RPRD2: variants seen among roughly 807,000 people sequenced by gnomAD.
RPRD2 encodes the protein regulation of nuclear pre-mRNA domain containing 2.
RPRD2 carries 12 observed loss-of-function variants against 104.4 expected under a neutral mutation model. The ratio of observed to expected loss-of-function variants is 0.11; its 90% CI spans 0.07 to 0.19. The LOEUF (loss-of-function observed/expected upper bound fraction) is 0.19, where lower values mean the gene tolerates loss of function less well. Among genes scored for constraint, RPRD2 ranks in the 10% least tolerant of loss-of-function variants. The probability of loss-of-function intolerance (pLI) is 1.00; values close to 1 mark genes in which losing one functional copy is unlikely to be tolerated. For synonymous variants in RPRD2, 714 were observed against 684.9 expected (o/e 1.04, Z -0.66); for missense variants, 1,543 against 1,790.1 (o/e 0.86, Z 2.49).
intron 1 of RPRD2, among the ~76,000 whole-genome samples, chr1:150,399,323 T>C (rs1662788763): frequency 6.6e-6 from 1 of 152,218 alleles, no homozygotes; most frequent in Admixed American, 6.5e-5. Context: ...AGGTCTATAA[T>C]GCATTTTGAA....
chr1:150,446,791 A>G (rs1553895578), intron 7 of RPRD2, among the ~76,000 whole-genome samples: 2 of 151,690 alleles, frequency 1.3e-5, no homozygotes, highest in African/African-American at 4.8e-5. Flanking sequence ...GTAAACTTGT[A>G]CAAGGTAATA....
At position 150,472,546 on chromosome 1, in the gene RPRD2, G is replaced by C. The variant is rs905254286; in HGVS notation, c.3598G>C (p.Glu1200Gln). 1.2e-6 allele frequency: 2 copies of C among 1,613,918 alleles called. No homozygotes were observed. Among genetic ancestry groups the C allele is most frequent in the Non-Finnish European group, 1.7e-6 (2 of 1,179,876 alleles). The change falls in exon 11 of 11, where the codon GAA (glutamate) becomes CAA (glutamine). Residue 1200 changes from glutamate (E) to glutamine (Q), a missense_variant. Around this residue, in one of 4 missense-constraint regions of RPRD2, gnomAD observed 880 missense variants for 885.6 expected, o/e 0.99. Transcript: ENST00000369068. Reference sequence around the variant, plus strand: ...GCATCATCTTCCCCCATCCCCCTTGGAACATGGGACACCCTTCCAGAGAGA... The same window carrying C: ...GCATCATCTTCCCCCATCCCCCTTGCAACATGGGACACCCTTCCAGAGAGA... Reference protein sequence around the residue: ...FEHHLPPSPLEHGTPFQREPV... With the variant: ...FEHHLPPSPLQHGTPFQREPV...
At chr1:150,428,593 C>T (rs149332645) in intron 2 of RPRD2, among the ~76,000 whole-genome samples, 21 of 152,120 alleles carry the variant, frequency 1.4e-4, no homozygotes, top group African/African-American at 4.8e-4. Flanking sequence ...TATTCTCATG[C>T]GTCAGCCTCC....
chr1:150,407,253 A>G (rs1431649772), intron 1 of RPRD2, among the ~76,000 whole-genome samples: 1 of 152,184 alleles, frequency 6.6e-6, no homozygotes, highest in Non-Finnish European at 1.5e-5. Context: ...ATTCATTAGT[A>G]TCTCCCCAGA....
In RPRD2 at chr1:150,445,636, AC is replaced by A. The variant is rs879952429; in HGVS notation, c.695-589del. Among the ~76,000 whole-genome samples the A allele has an allele frequency of 7.2e-5, 11 of 152,340 alleles. No homozygotes were observed. In the Middle Eastern group the frequency reaches 0.01, roughly 141 times the overall value. The stretch of plus-strand genomic sequence containing the variant: ...AATTTGTGAAGAAAATAATTAATCA[AC>A]AAACTCTTTTAGTTGAACTTTCTTT... On this transcript the variant is annotated intron_variant, in intron 6 of 10. Coordinates refer to ENST00000369068, the MANE Select transcript of RPRD2 (RefSeq NM_015203.5).
At chr1:150,398,020 C>T (rs1364225122) in intron 1 of RPRD2, among the ~76,000 whole-genome samples, 1 of 152,048 alleles carries the variant, frequency 6.6e-6, no homozygotes, top group Non-Finnish European at 1.5e-5. Context: ...CAGGGTCTCA[C>T]TGTGTTGCCC....
chr1:150,445,743 G>C (rs1021877290), intron 6 of RPRD2, among the ~76,000 whole-genome samples: 1 of 152,194 alleles, frequency 6.6e-6, no homozygotes, highest in East Asian at 1.9e-4. Flanking sequence ...AATCTGTTTT[G>C]TGATTTTGTG....
chr1:150,446,784 A>G (rs183362888), intron 7 of RPRD2, among the ~76,000 whole-genome samples: 34 of 151,910 alleles, frequency 2.2e-4, no homozygotes, highest in African/African-American at 7.7e-4. Context: ...AGGATTAGTA[A>G]ACTTGTACAA....
At chr1:150,444,114 T>G (rs1463150313) in intron 5 of RPRD2, 137 bp from the exon 6 acceptor site, 1 of 802,306 alleles carries the variant, frequency 1.2e-6, no homozygotes, top group African/African-American at 1.8e-5. Flanking sequence ...GTGAAAAGTT[T>G]TTTTCCTCCC....
chr1:150,430,148 T>TTTAG (rs1665453477), intron 2 of RPRD2, among the ~76,000 whole-genome samples: 1 of 152,204 alleles, frequency 6.6e-6, no homozygotes, highest in African/African-American at 2.4e-5. Flanking sequence ...AATCCATCGA[T>TTTAG]TTAGTTCCTT....
intron 2 of RPRD2, among the ~76,000 whole-genome samples, chr1:150,423,558 A>G (rs1664907546): frequency 6.6e-6 from 1 of 152,200 alleles, no homozygotes; most frequent in African/African-American, 2.4e-5. Context: ...AGAGAATTAT[A>G]TGCATGATCT....
intron 2 of RPRD2, among the ~76,000 whole-genome samples, chr1:150,427,069 C>T (rs988959143): frequency 3.9e-5 from 6 of 152,046 alleles, no homozygotes; most frequent in Admixed American, 1.3e-4. Flanking sequence ...CACTTGAACC[C>T]GGGAAGTGGA....
intron 1 of RPRD2, among the ~76,000 whole-genome samples, chr1:150,408,699 A>G (rs782674349): frequency 1.4e-4 from 22 of 152,186 alleles, no homozygotes; most frequent in Admixed American, 4.6e-4. Context: ...CATGTTATTT[A>G]TAGACATGTA....
At chr1:150,448,860 C>G (rs1553896051) in intron 7 of RPRD2, among the ~76,000 whole-genome samples, 2 of 152,132 alleles carry the variant, frequency 1.3e-5, no homozygotes, top group Non-Finnish European at 1.5e-5. Flanking sequence ...CTCTATTTTC[C>G]AGATTCCATG....
Position 150,472,381 on chromosome 1 carries a change from G to C in RPRD2, c.3433G>C (p.Ala1145Pro), listed in dbSNP as rs587723524. The C allele has an allele frequency of 8.7e-6, 14 of 1,614,002 alleles. No homozygotes were observed. The East Asian group carries it at 3.1e-4, about 36-fold the overall frequency. The change falls in exon 11 of 11, where the codon GCC (alanine) becomes CCC (proline). Residue 1145 changes from alanine to proline, a missense_variant. By Grantham distance (27) the Ala-to-Pro change is conservative (BLOSUM62 -1). This residue lies in a region of RPRD2 where 880 missense variants were observed against 885.6 expected (regional missense o/e 0.99). Transcript: ENST00000369068. Reference sequence around the variant, plus strand: ...CTCTTTTGACAATGGCCCTTCAAGTGCCTCTGAGTTGGCATCCCTTGGGGG... The same window carrying C: ...CTCTTTTGACAATGGCCCTTCAAGTCCCTCTGAGTTGGCATCCCTTGGGGG... Reference protein sequence around the residue: ...GSSFDNGPSSASELASLGGGG... With the variant: ...GSSFDNGPSSPSELASLGGGG...
intron 2 of RPRD2, among the ~76,000 whole-genome samples, chr1:150,432,041 T>C (rs952289206): frequency 6.6e-6 from 1 of 152,074 alleles, no homozygotes; most frequent in Admixed American, 6.6e-5. Flanking sequence ...ACAGTGTGAA[T>C]GTACTTAACT....
In RPRD2 at chr1:150,473,271, A is replaced by G; in HGVS notation, c.4323A>G (p.Pro1441=). Residue 1441 remains proline (P), a synonymous_variant, in exon 11 of 11, where the codon CCA becomes CCG. Coordinates refer to ENST00000369068, the MANE Select transcript of RPRD2 (RefSeq NM_015203.5). ...TTCACAGTTTAAAGAGACCCAGGCC[A>G]CCTTTTGCTAGGGGCCCTCCGTTCT... is the stretch of plus-strand genomic sequence containing the variant. ...DPFHSLKRPR[P]PFARGPPFFA... is the part of the protein sequence containing the mutation. The G allele has an allele frequency of 6.2e-7, 1 of 1,613,852 alleles. No individual in the cohort carries two copies. Among genetic ancestry groups the G allele is most frequent in the Admixed American group, 1.7e-5 (1 of 59,998 alleles).
chr1:150,460,365 A>C, intron 9 of RPRD2, 48 bp downstream of exon 9: 1 of 1,518,772 alleles, frequency 6.6e-7, no homozygotes. Flanking sequence ...CCATCTTTTT[A>C]AATTGAATCA....
chr1:150,365,056 C>T (rs926366288), intron 1 of RPRD2, 137 bp downstream of exon 1: 1 of 788,644 alleles, frequency 1.3e-6, no homozygotes, highest in Non-Finnish European at 2.0e-6. Context: ...CCCAGTGGTC[C>T]CAAACCCAGA....
Sources: gnomAD v4.1 joint callset for allele counts (sites outside exome capture counted in the v4.1 genomes callset) on GRCh38, gnomAD v4.1.1 for gene constraint, gnomAD v4.1.1 regional missense constraint, MANE v1.5 for transcripts, NCBI Gene and HGNC (gene_info 2026-07-23, HGNC 2026-07-21) for gene names.